Variants in RAD51B observed in about 807,000 individuals in gnomAD.
The protein encoded by RAD51B is DNA repair protein RAD51 homolog 2.
Under a neutral mutation model 42.2 loss-of-function variants are expected in RAD51B, and 38 were observed. The observed-to-expected ratio is 0.90, with a 90% CI of 0.70 to 1.18. The LOEUF is 1.18. Among genes scored for constraint, RAD51B ranks in the 50% most tolerant of loss-of-function variants. The pLI is 0.00. For missense variants in RAD51B, 373 were observed against 400.7 expected, an observed-to-expected ratio of 0.93 and a Z score of 0.59; for synonymous variants, 154 against 145.2, an observed-to-expected ratio of 1.06 and a Z score of -0.43.
chr14:68,672,472 T>C (rs935347573), intron 11 of RAD51B, among the ~76,000 whole-genome samples: 6 of 152,186 alleles, frequency 3.9e-5, no homozygotes, highest in Non-Finnish European at 8.8e-5. Context: ...GAGGCCTTAT[T>C]TATAGATGAA....
At chr14:68,250,670 G>A (rs1414659838) in intron 7 of RAD51B, among the ~76,000 whole-genome samples, 2 of 152,166 alleles carry the variant, frequency 1.3e-5, no homozygotes, top group African/African-American at 2.4e-5. Flanking sequence ...GCCCTGGCCT[G>A]CTCACAGCCC....
chr14:68,248,407 G>A (rs978157726), intron 7 of RAD51B, among the ~76,000 whole-genome samples: 1 of 152,078 alleles, frequency 6.6e-6, no homozygotes, highest in African/African-American at 2.4e-5. Flanking sequence ...AATGAGAAGG[G>A]CTGTTGTAAT....
intron 7 of RAD51B, among the ~76,000 whole-genome samples, chr14:67,988,461 AAAATAAAG>A (rs2075233921): frequency 2.6e-5 from 4 of 152,292 alleles, no homozygotes; most frequent in East Asian, 1.9e-4. Context: ...TCCATCTCAA[AAAATAAAG>A]AAATAAAGAA....
At chr14:68,007,952 A>G (rs1199175651) in intron 7 of RAD51B, among the ~76,000 whole-genome samples, 1 of 152,064 alleles carries the variant, frequency 6.6e-6, no homozygotes, top group African/African-American at 2.4e-5. Context: ...GCAAATTGGA[A>G]TGATGACTTT....
chr14:68,135,075 C>A (rs888214481), intron 7 of RAD51B, among the ~76,000 whole-genome samples: 3 of 152,174 alleles, frequency 2.0e-5, no homozygotes, highest in African/African-American at 7.2e-5. Context: ...GTTACCAATG[C>A]AGATGCAGTT....
At chr14:68,334,748 G>T (rs2082411967) in intron 8 of RAD51B, among the ~76,000 whole-genome samples, 2 of 151,744 alleles carry the variant, frequency 1.3e-5, no homozygotes, top group South Asian at 4.1e-4. Flanking sequence ...CAAATTCTTG[G>T]TAGTGGTTGT....
intron 7 of RAD51B, among the ~76,000 whole-genome samples, chr14:68,174,440 GA>G (rs1198633442): frequency 6.6e-6 from 1 of 151,996 alleles, no homozygotes; most frequent in African/African-American, 2.4e-5. Flanking sequence ...ACATCATTTT[GA>G]CTAAGACAAA....
At chr14:68,662,050 G>A (rs1566966650) in intron 11 of RAD51B, among the ~76,000 whole-genome samples, 1 of 152,316 alleles carries the variant, frequency 6.6e-6, no homozygotes, top group East Asian at 1.9e-4. Flanking sequence ...CAGCAAATGC[G>A]ATCCATTGCA....
chr14:68,535,150 G>C (rs900072696), intron 10 of RAD51B, among the ~76,000 whole-genome samples: 1 of 152,092 alleles, frequency 6.6e-6, no homozygotes, highest in African/African-American at 2.4e-5. Flanking sequence ...TGGATGTACA[G>C]AACAATCTCA....
intron 10 of RAD51B, among the ~76,000 whole-genome samples, chr14:68,530,310 A>G (rs1484351859): frequency 6.6e-6 from 1 of 151,742 alleles, no homozygotes; most frequent in Non-Finnish European, 1.5e-5. Flanking sequence ...TGCCAGTCAT[A>G]ATGGCATGCA....
At chr14:68,315,696 G>T (rs915933998) in intron 8 of RAD51B, among the ~76,000 whole-genome samples, 2 of 151,966 alleles carry the variant, frequency 1.3e-5, no homozygotes, top group Non-Finnish European at 2.9e-5. Context: ...TAATTTTTTT[G>T]TATTTTTAGT....
rs1280903444 is a variant in RAD51B at position 67,910,398 on chromosome 14, T to A, written c.756+23194T>A. 2.3e-5 allele frequency among the ~76,000 whole-genome samples: 2 copies of A among 85,242 alleles called. 1 individual carries two copies. The highest frequency in any genetic ancestry group is 4.5e-5 in the Non-Finnish European group (2 of 44,500). The allele number at this position is 85,242 out of a possible 152,430, so 55.9% of individuals were successfully genotyped here. On this transcript the variant is annotated intron_variant, in intron 7 of 10. Coordinates refer to ENST00000471583, the MANE Select transcript of RAD51B (RefSeq NM_133510.4). ...TCCAGCCTGGGCGACAGAGCGAGAC[T>A]CTGTCTCAAAAAAAAAAAAAAAAAA...
At chr14:68,393,661 A>C (rs561190969) in intron 8 of RAD51B, among the ~76,000 whole-genome samples, 15 of 152,340 alleles carry the variant, frequency 9.8e-5, no homozygotes, top group Admixed American at 2.0e-4. Flanking sequence ...GAATTTTCTC[A>C]GTGACTCAGA....
At chr14:68,143,231 G>A (rs1272593287) in intron 7 of RAD51B, among the ~76,000 whole-genome samples, 1 of 152,158 alleles carries the variant, frequency 6.6e-6, no homozygotes, top group Non-Finnish European at 1.5e-5. Context: ...ATCAGGCTGG[G>A]TTAGATGATC....
intron 7 of RAD51B, among the ~76,000 whole-genome samples, chr14:68,085,041 A>T (rs994478785): frequency 1.4e-4 from 22 of 152,354 alleles, no homozygotes; most frequent in African/African-American, 5.3e-4. Context: ...GGCGTCAAGA[A>T]TAATTTCCAG....
At chr14:67,990,199 T>C (rs1055344912) in intron 7 of RAD51B, among the ~76,000 whole-genome samples, 4 of 152,038 alleles carry the variant, frequency 2.6e-5, no homozygotes, top group African/African-American at 4.8e-5. Flanking sequence ...GGTTTCACCA[T>C]GTTGGCCAGG....
At chr14:68,308,340 G>A (rs1206481719) in intron 8 of RAD51B, among the ~76,000 whole-genome samples, 2 of 152,066 alleles carry the variant, frequency 1.3e-5, no homozygotes, top group African/African-American at 4.8e-5. Context: ...CTGGTTGTTT[G>A]GGACATGAAC....
intron 4 of RAD51B, among the ~76,000 whole-genome samples, chr14:67,846,391 C>A (rs2041615887): frequency 6.6e-6 from 1 of 152,156 alleles, no homozygotes; most frequent in African/African-American, 2.4e-5. Context: ...TACACCACAG[C>A]TGTGGCATAG....
At chr14:68,060,439 G>A (rs60491097) in intron 7 of RAD51B, among the ~76,000 whole-genome samples, 2,126 of 152,270 alleles carry the variant, frequency 0.014, 56 homozygotes, top group African/African-American at 0.048. Flanking sequence ...ATGCAAGTGG[G>A]TTAGTGAGGT....
Sources: gnomAD v4.1 joint callset for allele counts (sites outside exome capture counted in the v4.1 genomes callset) on GRCh38, gnomAD v4.1.1 for gene constraint, MANE v1.5 for transcripts, NCBI Gene and HGNC (gene_info 2026-07-23, HGNC 2026-07-21) for gene names.